The following SLC5A6 variants were observed in gnomAD, a reference collection of about 807,000 sequenced individuals.
The protein encoded by SLC5A6 is solute carrier family 5 member 6.
A neutral mutation model predicts 67.9 loss-of-function variants in SLC5A6; 31 were observed. The ratio of observed to expected loss-of-function variants is 0.46; its 90% confidence interval spans 0.34 to 0.62. SLC5A6 has a LOEUF of 0.62. Among genes scored for constraint, SLC5A6 ranks in the 20% least tolerant of loss-of-function variants. The probability of loss-of-function intolerance (pLI) is 0.01; values close to 1 mark genes in which losing one functional copy is unlikely to be tolerated. For synonymous variants in SLC5A6, 343 were observed against 331.0 expected, an observed-to-expected ratio of 1.04 and a Z score of -0.39; for missense variants, 673 against 812.8, an observed-to-expected ratio of 0.83 and a Z score of 2.09.
intron 9 of SLC5A6, 84 bp from the exon 10 acceptor site, chr2:27,203,951 T>C: frequency 2.0e-6 from 2 of 977,548 alleles, no homozygotes; most frequent in Non-Finnish European, 1.6e-6. Context: ...CCTTTACATG[T>C]GCCCCAGCGA....
upstream of SLC5A6, chr2:27,212,776 A>G (rs963223191): frequency 2.7e-6 from 2 of 735,092 alleles, no homozygotes; most frequent in South Asian, 2.3e-5. Flanking sequence ...CGAACGCCAT[A>G]TATCGTGCGG....
chr2:27,201,892 GCCCTCAC>G, intron 13 of SLC5A6, 45 bp from the exon 14 acceptor site: 1 of 1,610,182 alleles, frequency 6.2e-7, no homozygotes, highest in Non-Finnish European at 8.5e-7. Context: ...AGTCCTGCCA[GCCCTCAC>G]GGCAGTCCTC....
intron 1 of SLC5A6, 59 bp downstream of exon 1, chr2:27,211,961 G>A (rs1047532777): frequency 4.7e-6 from 2 of 421,758 alleles, no homozygotes; most frequent in South Asian, 3.7e-5. Flanking sequence ...GGGAGCCCGC[G>A]GGGGCCCCGC....
At chr2:27,201,625 A>C (rs1252262649) in intron 14 of SLC5A6, 41 bp downstream of exon 14, 2 of 1,584,610 alleles carry the variant, frequency 1.3e-6, no homozygotes, top group African/African-American at 2.7e-5. Context: ...CCCTCAAAGG[A>C]GGGCTTTGAG....
At chr2:27,206,172 T>C (rs1358029017) in intron 5 of SLC5A6, 79 bp from the exon 6 acceptor site, 1 of 1,187,678 alleles carries the variant, frequency 8.4e-7, no homozygotes, top group East Asian at 2.3e-5. Flanking sequence ...AATCACGTCA[T>C]GCCACAGAGA....
chr2:27,207,214 C>T lies in SLC5A6; in HGVS notation c.393+44G>A, dbSNP rs752850626. The T allele has an allele frequency of 5.0e-6, 8 of 1,598,476 alleles. No individual in the cohort carries two copies. The highest frequency in any genetic ancestry group is 6.8e-6 in the Non-Finnish European group (8 of 1,170,300). ...CTATGTGCCTGTCCCTCCTCTCCAC[C>T]CCAACCCGTGTCCCACGCACTTCTC... On this transcript the variant is annotated intron_variant, in intron 3 of 16. Coordinates refer to ENST00000310574, the MANE Select transcript of SLC5A6 (RefSeq NM_021095.4). The surrounding 1 kb of genome is among the most constrained non-coding windows in gnomAD (Gnocchi z 5.5).
At chr2:27,212,403 T>C (rs1314772572), upstream of SLC5A6, 5 of 1,551,804 alleles carry the variant, frequency 3.2e-6, no homozygotes, top group African/African-American at 1.4e-5. Context: ...CTTACGACCC[T>C]GGTGCCCTGG....
rs1673552363 is a variant in SLC5A6, at chr2:27,200,679, A to G, written c.1765-100T>C. 1.2e-5 allele frequency: 16 copies of G among 1,300,716 alleles called. No individual in the cohort carries two copies. In the South Asian group the frequency reaches 1.5e-4, roughly 12 times the overall value. The allele number at this position is 1,300,716 out of a possible 1,614,324, so 80.6% of individuals were successfully genotyped here. On this transcript the variant is annotated intron_variant, in intron 16 of 16. Transcript: ENST00000310574. ...GGTCCCCGCCAGAAGGGAGCCCAGC[A>G]AGGCTGGGTTCGGGAGGGAGAGCAG...
intron 12 of SLC5A6, 78 bp from the exon 13 acceptor site, chr2:27,202,152 C>G (rs571231640): frequency 5.1e-6 from 5 of 982,920 alleles, no homozygotes; most frequent in Non-Finnish European, 8.1e-6. Context: ...AGCATAGCCA[C>G]CAGCCATGAC....
intron 5 of SLC5A6, 145 bp downstream of exon 5, chr2:27,206,338 A>G (rs1354021547): frequency 2.3e-5 from 18 of 787,492 alleles, no homozygotes; most frequent in Non-Finnish European, 3.6e-5. Context: ...TTCCTCTGGT[A>G]GAGACCCACC....
chr2:27,212,178 G>A lies in SLC5A6; in HGVS notation c.-366C>T. ...GGGAAAAGGAAGAGGGGGTCGGCCA[G>A]TATCCCCGAAAGAGGGCTAGGGCGC... is the stretch of plus-strand genomic sequence containing the variant. On this transcript the variant is annotated 5_prime_UTR_variant, in exon 1 of 17. Transcript: ENST00000310574. 6.5e-7 allele frequency: 1 copy of A among 1,538,860 alleles called. No individual in the cohort carries two copies. The highest frequency in any genetic ancestry group is 8.7e-7 in the Non-Finnish European group (1 of 1,143,558).
At position 27,207,590 on chromosome 2, in the gene SLC5A6, T is replaced by C. The variant is rs376376237; in HGVS notation, c.61A>G (p.Met21Val). ...LSPTSGTSVGMSTFSIMDYVV... is the reference protein window; with the variant it reads ...LSPTSGTSVGVSTFSIMDYVV... ...TAGTCCATGATGGAGAAGGTAGACA[T>C]GCCCACGCTTGTGCCCGAGGTTGGG... The change falls in exon 3 of 17, where the codon ATG (methionine) becomes GTG (valine). Residue 21 changes from methionine (M) to valine (V), a missense_variant. By Grantham distance (21) the Met-to-Val change is conservative (BLOSUM62 1). Transcript: ENST00000310574. The surrounding 1 kb of genome is among the most constrained non-coding windows in gnomAD (Gnocchi z 5.5). The C allele has an allele frequency of 6.2e-7, 1 of 1,614,226 alleles. No individual in the cohort carries two copies. Among genetic ancestry groups the C allele is most frequent in the Non-Finnish European group, 8.5e-7 (1 of 1,180,038 alleles).
At chr2:27,204,670 A>AGACCCACATCCTGACCACAGTGGATG in intron 8 of SLC5A6, 80 bp from the exon 9 acceptor site, 1 of 1,599,522 alleles carries the variant, frequency 6.3e-7, no homozygotes, top group Non-Finnish European at 8.5e-7. Flanking sequence ...TCCAGAAAGG[A>AGACCCACATCCTGACCACAGTGGATG]GACCCACATC....
At chr2:27,205,882 A>G in intron 6 of SLC5A6, 144 bp downstream of exon 6, 1 of 687,846 alleles carries the variant, frequency 1.5e-6, no homozygotes. Flanking sequence ...CCACTGCTAA[A>G]TCCTATCATA....
At chr2:27,204,241 G>A (rs1276790035) in intron 9 of SLC5A6, among the ~76,000 whole-genome samples, 1 of 152,112 alleles carries the variant, frequency 6.6e-6, no homozygotes, top group Non-Finnish European at 1.5e-5. Context: ...GAGTCAGTAA[G>A]GGTAGGTCCT....
chr2:27,206,339 G>A, intron 5 of SLC5A6, 144 bp downstream of exon 5: 1 of 790,414 alleles, frequency 1.3e-6, no homozygotes, highest in Non-Finnish European at 2.1e-6. Context: ...TCCTCTGGTA[G>A]AGACCCACCC....
intron 3 of SLC5A6, 40 bp from the exon 4 acceptor site, chr2:27,206,982 C>A (rs1363055667): frequency 6.6e-7 from 1 of 1,505,234 alleles, no homozygotes; most frequent in South Asian, 1.1e-5. Flanking sequence ...CTGACTTCAC[C>A]CCGACAACTC....
chr2:27,210,794 C>T (rs1163651518), intron 2 of SLC5A6, among the ~76,000 whole-genome samples: 4 of 151,950 alleles, frequency 2.6e-5, no homozygotes, highest in South Asian at 2.1e-4. Flanking sequence ...GAGGCCGAGG[C>T]GGGCAGATCA....
Position 27,212,040 on chromosome 2 carries a change from C to T in SLC5A6, c.-228G>A, listed in dbSNP as rs374212250. On this transcript the variant is annotated 5_prime_UTR_variant, in exon 1 of 17. Transcript: ENST00000310574. ...TTTACTGAGGGCGGATGGAGGGGCC[C>T]GAGTTTCTGCGAAGCCGCGACCTCG... 7 of 907,534 alleles carry T rather than the reference C, an allele frequency of 7.7e-6. No individual in the cohort carries two copies. The Admixed American group carries it at 2.2e-4, about 29-fold the overall frequency. The allele number at this position is 907,534 out of a possible 1,614,324, so 56.2% of individuals were successfully genotyped here. A position where few individuals can be genotyped will look rare whatever the true frequency, so the allele number is the denominator to read the frequency against.
Sources: gnomAD v4.1 joint callset for allele counts (sites outside exome capture counted in the v4.1 genomes callset) on GRCh38, gnomAD v4.1.1 for gene constraint, Gnocchi (gnomAD v3.1) non-coding constraint, MANE v1.5 for transcripts, NCBI Gene and HGNC (gene_info 2026-07-23, HGNC 2026-07-21) for gene names.